The following NYAP2 variants were observed in gnomAD, a reference collection of about 807,000 sequenced individuals.
The protein encoded by NYAP2 is neuronal tyrosine-phosphorylated phosphoinositide-3-kinase adapter 2.
Under a neutral mutation model 50.4 loss-of-function variants are expected in NYAP2, and 23 were observed. The ratio of observed to expected loss-of-function variants is 0.46; its 90% CI spans 0.33 to 0.65. NYAP2 has a LOEUF of 0.65. Among genes scored for constraint, NYAP2 ranks in the 30% least tolerant of loss-of-function variants. NYAP2 has a pLI of 0.02. For synonymous variants in NYAP2, 394 were observed against 365.2 expected (o/e 1.08, Z -0.90); for missense variants, 885 against 861.0 (o/e 1.03, Z -0.35).
At chr2:225,605,501 T>C (rs1692769651) in intron 5 of NYAP2, among the ~76,000 whole-genome samples, 1 of 152,170 alleles carries the variant, frequency 6.6e-6, no homozygotes, top group Non-Finnish European at 1.5e-5. Context: ...GGTTTTCTTT[T>C]CATTTATAGA....
intron 6 of NYAP2, among the ~76,000 whole-genome samples, chr2:225,650,556 G>A (rs188212961): frequency 1.6e-4 from 25 of 152,286 alleles, no homozygotes; most frequent in African/African-American, 1.2e-4. Context: ...AGCTAACTCC[G>A]TAGCTCCAAA....
chr2:225,493,925 A>G (rs1331894462), intron 3 of NYAP2, among the ~76,000 whole-genome samples: 1 of 152,206 alleles, frequency 6.6e-6, no homozygotes, highest in Non-Finnish European at 1.5e-5. Context: ...ACAACTAAAA[A>G]TATGCCCAAT....
chr2:225,655,929 T>TACACACACACAC (rs1693817634), downstream of NYAP2, among the ~76,000 whole-genome samples: 1 of 62,266 alleles, frequency 1.6e-5, no homozygotes, highest in African/African-American at 5.2e-5. Flanking sequence ...CACACACACA[T>TACACACACACAC]ACACACATAC....
chr2:225,407,976 T>C (rs1053663282), intron 2 of NYAP2, among the ~76,000 whole-genome samples: 3 of 151,996 alleles, frequency 2.0e-5, no homozygotes, highest in Non-Finnish European at 2.9e-5. Context: ...AACTCTATTC[T>C]AAATTATTTA....
intron 5 of NYAP2, among the ~76,000 whole-genome samples, chr2:225,613,413 G>C (rs909185708): frequency 6.6e-6 from 1 of 152,116 alleles, no homozygotes; most frequent in Non-Finnish European, 1.5e-5. Flanking sequence ...CCCACATTGA[G>C]GGTGGGTCTT....
intron 3 of NYAP2, among the ~76,000 whole-genome samples, chr2:225,420,880 G>A (rs1695205272): frequency 6.6e-6 from 1 of 151,948 alleles, no homozygotes; most frequent in African/African-American, 2.4e-5. Context: ...ATAAATTTGA[G>A]CTATTAGGAT....
chr2:225,544,659 T>C (rs1450421690), intron 4 of NYAP2, among the ~76,000 whole-genome samples: 2 of 152,150 alleles, frequency 1.3e-5, no homozygotes, highest in Admixed American at 1.3e-4. Flanking sequence ...AAGTTGTGGT[T>C]ATTATTTTTG....
intron 6 of NYAP2, among the ~76,000 whole-genome samples, chr2:225,639,477 T>C (rs1034829901): frequency 2.0e-4 from 30 of 152,046 alleles, no homozygotes; most frequent in Admixed American, 1.2e-3. Flanking sequence ...ATTTTTTTCT[T>C]TTTTTTTGGT....
At chr2:225,611,128 T>C (rs2106247240) in intron 5 of NYAP2, among the ~76,000 whole-genome samples, 1 of 152,224 alleles carries the variant, frequency 6.6e-6, no homozygotes, top group African/African-American at 2.4e-5. Context: ...AGAAATCAAA[T>C]GTAGACTATG....
chr2:225,442,734 C>A (rs990176761), intron 3 of NYAP2, among the ~76,000 whole-genome samples: 4 of 152,090 alleles, frequency 2.6e-5, no homozygotes, highest in Non-Finnish European at 5.9e-5. Flanking sequence ...CACCACCACG[C>A]CCAGCTAATT....
chr2:225,418,821 A>T (rs1380809905), intron 3 of NYAP2, among the ~76,000 whole-genome samples: 1 of 152,214 alleles, frequency 6.6e-6, no homozygotes, highest in Non-Finnish European at 1.5e-5. Flanking sequence ...GAATACTTTT[A>T]TAAAACTCTA....
intron 2 of NYAP2, among the ~76,000 whole-genome samples, chr2:225,404,740 T>C (rs1326632937): frequency 1.3e-5 from 2 of 151,998 alleles, no homozygotes; most frequent in Non-Finnish European, 2.9e-5. Flanking sequence ...CATACAGCTG[T>C]GTGAAAGTCA....
chr2:225,467,668 A>G (rs2106157312), intron 3 of NYAP2, among the ~76,000 whole-genome samples: 1 of 152,332 alleles, frequency 6.6e-6, no homozygotes, highest in East Asian at 1.9e-4. Flanking sequence ...TCAGATTACT[A>G]TCCAAGTGAG....
At chr2:225,697,929 T>A in the NYAP2 span, among the ~76,000 whole-genome samples, 1 of 152,022 alleles carries the variant, frequency 6.6e-6, no homozygotes, top group East Asian at 1.9e-4. Flanking sequence ...TCCCAGCACT[T>A]TGGGAGGCTG....
chr2:225,641,459 ACACAC>A (rs1266588355), intron 6 of NYAP2, among the ~76,000 whole-genome samples: 1 of 146,496 alleles, frequency 6.8e-6, no homozygotes, highest in Non-Finnish European at 1.5e-5. Context: ...ACACACACAC[ACACAC>A]ACACAAACAC....
At chr2:225,536,002 T>C (rs553896534) in intron 4 of NYAP2, among the ~76,000 whole-genome samples, 66 of 152,312 alleles carry the variant, frequency 4.3e-4, no homozygotes, top group African/African-American at 1.3e-3. Flanking sequence ...ACATTTTTTC[T>C]TGCAATTCAA....
the NYAP2 span, chr2:225,703,491 T>A: frequency 1.3e-5 from 2 of 151,786 alleles, no homozygotes; most frequent in Admixed American, 1.3e-4. Flanking sequence ...TTGATTTTTT[T>A]AGGTAACATG....
At chr2:225,529,926 C>T (rs886288495) in intron 4 of NYAP2, among the ~76,000 whole-genome samples, 19 of 151,952 alleles carry the variant, frequency 1.3e-4, no homozygotes, top group African/African-American at 4.6e-4. Flanking sequence ...CCAGGATGGT[C>T]TCGATCTTCT....
At chr2:225,630,672 A>G (rs991365839) in intron 6 of NYAP2, among the ~76,000 whole-genome samples, 2 of 152,220 alleles carry the variant, frequency 1.3e-5, no homozygotes, top group Non-Finnish European at 1.5e-5. Context: ...GGTGTCTGCC[A>G]TGTAATTAGG....
Sources: allele counts gnomAD v4.1 joint callset (sites outside exome capture counted in the v4.1 genomes callset), GRCh38; gene constraint gnomAD v4.1.1; transcripts MANE v1.5; gene names NCBI Gene and HGNC (gene_info 2026-07-23, HGNC 2026-07-21).